The following CPVL variants were observed in gnomAD, a reference collection of about 807,000 sequenced individuals.
CPVL encodes the protein probable serine carboxypeptidase CPVL.
In CPVL, 51 loss-of-function variants were observed where a neutral mutation model predicts 63.7. That is an observed-to-expected ratio of 0.80 (90% CI 0.64 to 1.01). The LOEUF is 1.01. Ranked by LOEUF, CPVL falls within the 50% of genes least tolerant of loss-of-function variation. CPVL has a pLI of 0.00. For synonymous variants in CPVL, 195 were observed against 206.0 expected (o/e 0.95, Z 0.46); for missense variants, 530 against 573.1 (o/e 0.92, Z 0.77).
intron 5 of CPVL, among the ~76,000 whole-genome samples, chr7:29,155,583 C>T (rs982445934): frequency 3.9e-5 from 6 of 152,308 alleles, no homozygotes; most frequent in African/African-American, 1.2e-4. Flanking sequence ...GTCTCTCTGA[C>T]ACCAAAACTG....
At chr7:29,039,292 T>A (rs907896652) in intron 11 of CPVL, among the ~76,000 whole-genome samples, 11 of 152,164 alleles carry the variant, frequency 7.2e-5, no homozygotes, top group African/African-American at 2.7e-4. Flanking sequence ...ATGAACAGAA[T>A]CAGATGAGAA....
At chr7:29,140,910 T>A (rs912700333) in intron 1 of CPVL, among the ~76,000 whole-genome samples, 1 of 152,190 alleles carries the variant, frequency 6.6e-6, no homozygotes, top group Non-Finnish European at 1.5e-5. Flanking sequence ...ATTTTAGGTA[T>A]GATCTTAAGG....
intron 1 of CPVL, among the ~76,000 whole-genome samples, chr7:29,136,297 T>G (rs1233498037): frequency 1.3e-5 from 2 of 152,222 alleles, no homozygotes; most frequent in Admixed American, 6.5e-5. Context: ...AAAGAGGAAA[T>G]TTTTAAGTTG....
At chr7:29,176,428 C>T (rs1015278055) in intron 5 of CPVL, among the ~76,000 whole-genome samples, 3 of 151,938 alleles carry the variant, frequency 2.0e-5, no homozygotes, top group African/African-American at 7.2e-5. Flanking sequence ...GGCAGGAAAA[C>T]ATGTCAGAAC....
At chr7:29,048,759 A>G (rs1297539554) in intron 11 of CPVL, among the ~76,000 whole-genome samples, 1 of 152,190 alleles carries the variant, frequency 6.6e-6, no homozygotes. Flanking sequence ...TCTCCAAGAT[A>G]GACCAAACGA....
At chr7:29,159,134 A>G (rs1021094613) in intron 5 of CPVL, among the ~76,000 whole-genome samples, 1 of 152,216 alleles carries the variant, frequency 6.6e-6, no homozygotes, top group Non-Finnish European at 1.5e-5. Context: ...GAGCCCTCCC[A>G]GAGCCAGTGA....
intron 11 of CPVL, among the ~76,000 whole-genome samples, chr7:29,040,873 T>C (rs956384136): frequency 6.6e-6 from 1 of 152,164 alleles, no homozygotes; most frequent in African/African-American, 2.4e-5. Flanking sequence ...CAAAGCCAAC[T>C]TGAAAAGGAT....
chr7:29,111,547 A>G (rs760195417), intron 3 of CPVL, among the ~76,000 whole-genome samples: 5 of 152,236 alleles, frequency 3.3e-5, no homozygotes, highest in Non-Finnish European at 7.3e-5. Flanking sequence ...TCTAGGGGCC[A>G]AGAAAGCCTT....
intron 12 of CPVL, among the ~76,000 whole-genome samples, chr7:28,997,436 T>C (rs1350177037): frequency 6.6e-6 from 1 of 152,178 alleles, no homozygotes; most frequent in Non-Finnish European, 1.5e-5. Context: ...ATATTGAAAA[T>C]CTGCCCCTAT....
rs190198867 is a variant in CPVL at position 29,174,274 on chromosome 7, G to C, written c.-11+7016C>G. On this transcript the variant is annotated intron_variant, in intron 5 of 16. Coordinates refer to the CPVL transcript ENST00000409850. ...AGAAGCAAAGCCCTCTGCCTCTGGA[G>C]GGGGGCCAGCAATCCCGTCTTTCCA... 1.4e-4 allele frequency among the ~76,000 whole-genome samples: 21 copies of C among 152,324 alleles called. No homozygotes were observed. The East Asian group carries it at 3.3e-3, about 24-fold the overall frequency.
intron 1 of CPVL, chr7:29,194,977 G>A: frequency 1.9e-6 from 3 of 1,586,448 alleles, no homozygotes; most frequent in Non-Finnish European, 2.6e-6. Context: ...TGTCCGGCTC[G>A]TCGGTGTCCT....
chr7:29,157,753 A>G (rs1406767823), intron 5 of CPVL, among the ~76,000 whole-genome samples: 1 of 152,212 alleles, frequency 6.6e-6, no homozygotes, highest in South Asian at 2.1e-4. Flanking sequence ...CAATAACACT[A>G]AACTCATTTT....
At chr7:29,185,567 T>C (rs1274212195) in exon 3 of CPVL, 2 of 151,990 alleles carry the variant, frequency 1.3e-5, no homozygotes, top group Non-Finnish European at 2.9e-5. Flanking sequence ...CTCATTTCTC[T>C]TATCAAACCT....
At chr7:29,150,394 T>C (rs1015071325), upstream of CPVL, among the ~76,000 whole-genome samples, 3 of 152,232 alleles carry the variant, frequency 2.0e-5, no homozygotes, top group African/African-American at 7.2e-5. Context: ...ATGGTGATCA[T>C]GACAATCAAG....
Position 29,124,125 on chromosome 7 carries a change from T to C in CPVL, c.-10-3054A>G, listed in dbSNP as rs118122449. 4.2e-3 allele frequency among the ~76,000 whole-genome samples: 643 copies of C among 152,318 alleles called. 2 individuals carry two copies. The highest frequency in any genetic ancestry group is 0.01 in the Middle Eastern group (3 of 294). ...TGAGAATGAAAGCTATTATCATAAA[T>C]GGAGAAGTGGGTTTTTTAAACACCC... On this transcript the variant is annotated intron_variant, in intron 1 of 12. Transcript: ENST00000265394.
At chr7:29,089,037 TACAAGAGCTACATGGC>T (rs1442838818) in intron 6 of CPVL, among the ~76,000 whole-genome samples, 2 of 152,290 alleles carry the variant, frequency 1.3e-5, no homozygotes, top group Admixed American at 1.3e-4. Context: ...TTTATTCAGG[TACAAGAGCTACATGGC>T]ACAAGAAGCA....
chr7:29,194,977 G>T, intron 1 of CPVL: 1 of 1,586,448 alleles, frequency 6.3e-7, no homozygotes, highest in Non-Finnish European at 8.6e-7. Context: ...TGTCCGGCTC[G>T]TCGGTGTCCT....
intron 11 of CPVL, among the ~76,000 whole-genome samples, chr7:29,048,763 C>A (rs1465159037): frequency 6.6e-6 from 1 of 152,036 alleles, no homozygotes; most frequent in Admixed American, 6.6e-5. Flanking sequence ...CAAGATAGAC[C>A]AAACGACAGG....
At chr7:29,046,162 G>C (rs1362463325) in intron 11 of CPVL, among the ~76,000 whole-genome samples, 2 of 147,780 alleles carry the variant, frequency 1.4e-5, no homozygotes, top group Non-Finnish European at 3.0e-5. Context: ...GCGGCTCACT[G>C]CAACTTCCAC....
Sources: allele counts gnomAD v4.1 joint callset (sites outside exome capture counted in the v4.1 genomes callset), GRCh38; gene constraint gnomAD v4.1.1; transcripts MANE v1.5; gene names NCBI Gene and HGNC (gene_info 2026-07-23, HGNC 2026-07-21).